The following BICC1 variants were observed in gnomAD, a reference collection of about 807,000 sequenced individuals.
BICC1 encodes the protein protein bicaudal C homolog 1.
In BICC1, 43 loss-of-function variants were observed where a neutral mutation model predicts 111.0. That is an observed-to-expected ratio of 0.39 (90% confidence interval 0.30 to 0.50). BICC1 has a LOEUF of 0.50. Ranked by LOEUF, BICC1 falls within the 20% of genes least tolerant of loss-of-function variation. The pLI, the probability that BICC1 is intolerant of heterozygous loss-of-function variation, is 0.88. For missense variants in BICC1, 1,091 were observed against 1,203.2 expected (o/e 0.91, Z 1.38); for synonymous variants, 467 against 434.4 (o/e 1.07, Z -0.93).
chr10:58,677,212 G>C (rs1249111528), intron 2 of BICC1, among the ~76,000 whole-genome samples: 1 of 152,200 alleles, frequency 6.6e-6, no homozygotes, highest in Admixed American at 6.5e-5. Flanking sequence ...TTGATGAATT[G>C]ACAGAAGTAG....
intron 1 of BICC1, among the ~76,000 whole-genome samples, chr10:58,524,964 C>A (rs1185650751): frequency 6.6e-6 from 1 of 151,838 alleles, no homozygotes; most frequent in Non-Finnish European, 1.5e-5. Flanking sequence ...TGAAAAAATG[C>A]TCATCATCAC....
chr10:58,824,240 G>C (rs1344330931), intron 20 of BICC1: 2 of 261,592 alleles, frequency 7.6e-6, no homozygotes, highest in Non-Finnish European at 1.2e-5. Flanking sequence ...CTTAGTACCT[G>C]TGTGGGCAAG....
chr10:58,688,170 A>C (rs1442465410), intron 2 of BICC1, among the ~76,000 whole-genome samples: 1 of 151,998 alleles, frequency 6.6e-6, no homozygotes, highest in Non-Finnish European at 1.5e-5. Context: ...GAGTGAAGGA[A>C]CAAAGCTTCC....
intron 3 of BICC1, among the ~76,000 whole-genome samples, chr10:58,780,258 G>A (rs140524616): frequency 2.6e-5 from 4 of 152,250 alleles, no homozygotes; most frequent in African/African-American, 9.6e-5. Context: ...CAGATTTGAA[G>A]CCATTTATAA....
chr10:58,600,444 A>G (rs1189460187), intron 1 of BICC1, among the ~76,000 whole-genome samples: 1 of 152,164 alleles, frequency 6.6e-6, no homozygotes, highest in Admixed American at 6.5e-5. Flanking sequence ...ACTGGAAGGT[A>G]AGCATTCAGG....
chr10:58,613,155 CA>C (rs1414881284), intron 1 of BICC1, among the ~76,000 whole-genome samples: 2 of 152,184 alleles, frequency 1.3e-5, no homozygotes, highest in African/African-American at 4.8e-5. Context: ...TTCAGCCAGC[CA>C]CGTTTCAGTA....
rs1844505244 is a variant in BICC1, at chr10:58,829,768, T to C, written c.*877T>C. 6.6e-6 allele frequency: 1 copy of C among 152,188 alleles called. No homozygotes were observed. The highest frequency in any genetic ancestry group is 1.5e-5 in the Non-Finnish European group (1 of 68,032). 9.4% of individuals were successfully genotyped at this position (152,188 alleles called of 1,614,324 possible). A position where few individuals can be genotyped will look rare whatever the true frequency, so the allele number is the denominator to read the frequency against. ...TGGTTGTCTGGAGGCAAAGGGCTGTTTTTTAGTATATTGCCACTAAAGGAC... is the reference window on the plus strand; with the variant it reads ...TGGTTGTCTGGAGGCAAAGGGCTGTCTTTTAGTATATTGCCACTAAAGGAC... On this transcript the variant is annotated 3_prime_UTR_variant, in exon 21 of 21. Coordinates refer to ENST00000373886, the MANE Select transcript of BICC1 (RefSeq NM_001080512.3).
At chr10:58,710,349 T>C (rs1009702973) in intron 3 of BICC1, among the ~76,000 whole-genome samples, 1 of 152,178 alleles carries the variant, frequency 6.6e-6, no homozygotes, top group Non-Finnish European at 1.5e-5. Context: ...AGTTCCATAA[T>C]GTATAATAAT....
intron 3 of BICC1, among the ~76,000 whole-genome samples, chr10:58,742,883 C>G (rs1841713794): frequency 6.6e-6 from 1 of 152,136 alleles, no homozygotes; most frequent in South Asian, 2.1e-4. Context: ...ATTCAGGTTA[C>G]TAGAGAACTA....
intron 1 of BICC1, among the ~76,000 whole-genome samples, chr10:58,579,451 T>C (rs1449846098): frequency 2.6e-5 from 4 of 152,226 alleles, no homozygotes; most frequent in Non-Finnish European, 5.9e-5. Flanking sequence ...GCATTATTCA[T>C]GGTGAACACC....
At chr10:58,547,329 AT>A (rs563701222) in intron 1 of BICC1, among the ~76,000 whole-genome samples, 246 of 152,298 alleles carry the variant, frequency 1.6e-3, no homozygotes, top group Admixed American at 5.2e-3. Flanking sequence ...TTTGAGAAGT[AT>A]TCCATAAAAC....
chr10:58,512,356 T>TA (rs1460285648), upstream of BICC1, among the ~76,000 whole-genome samples: 1 of 152,140 alleles, frequency 6.6e-6, no homozygotes, highest in Non-Finnish European at 1.5e-5. Context: ...AGCCTTCTTT[T>TA]TCCTCTTCCT....
chr10:58,672,846 G>T (rs183759638), intron 2 of BICC1, among the ~76,000 whole-genome samples: 2 of 152,196 alleles, frequency 1.3e-5, no homozygotes, highest in East Asian at 3.9e-4. Flanking sequence ...TTATATTGAG[G>T]GAATTTGAAT....
chr10:58,712,215 A>T (rs187749028), intron 3 of BICC1, among the ~76,000 whole-genome samples: 3 of 152,190 alleles, frequency 2.0e-5, no homozygotes, highest in Non-Finnish European at 4.4e-5. Context: ...GCTGGTGAGA[A>T]TGTGGAGCCA....
At chr10:58,589,408 T>C (rs1261114558) in intron 1 of BICC1, among the ~76,000 whole-genome samples, 5 of 151,986 alleles carry the variant, frequency 3.3e-5, no homozygotes, top group Non-Finnish European at 7.4e-5. Context: ...CTCAAAATTG[T>C]ACAGCTGGCA....
chr10:58,533,559 A>T (rs1649079), intron 1 of BICC1, among the ~76,000 whole-genome samples: 69,331 of 151,260 alleles, frequency 0.46, 16,881 homozygotes, highest in Admixed American at 0.62. Flanking sequence ...AGGAAAAAAA[A>T]ACCTGACAAT....
intron 9 of BICC1, 29 bp from the exon 10 acceptor site, chr10:58,796,311 C>T (rs1212460228): frequency 2.2e-5 from 36 of 1,600,770 alleles, no homozygotes; most frequent in Non-Finnish European, 3.0e-5. Flanking sequence ...TGCATGTCAC[C>T]TTTTTTCCCC....
intron 1 of BICC1, among the ~76,000 whole-genome samples, chr10:58,567,933 GAGA>G (rs1843821646): frequency 6.6e-6 from 1 of 152,058 alleles, no homozygotes; most frequent in Non-Finnish European, 1.5e-5. Context: ...GGTATATTTG[GAGA>G]AGACTGGGAG....
chr10:58,789,368 A>G lies in BICC1; in HGVS notation c.707A>G (p.Asn236Ser), dbSNP rs532086549. 3.7e-5 allele frequency: 60 copies of G among 1,613,932 alleles called. No individual in the cohort carries two copies. Among genetic ancestry groups the G allele is most frequent in the Non-Finnish European group, 4.7e-5 (56 of 1,179,970 alleles). ...PSIQHISQTY[N>S]ISVSFKQRSR... is the part of the protein sequence containing the mutation. ...ATTCAGCATATATCACAAACGTACA[A>G]TATTTCAGTATCATTTAAACAGCGT... Residue 236 changes from asparagine to serine, a missense_variant, in exon 7 of 21, where the codon AAT (asparagine) becomes AGT (serine). Physicochemically the swap from Asn to Ser is conservative, Grantham distance 46. Transcript: ENST00000373886.
Sources: allele counts gnomAD v4.1 joint callset (sites outside exome capture counted in the v4.1 genomes callset), GRCh38; gene constraint gnomAD v4.1.1; transcripts MANE v1.5; gene names NCBI Gene and HGNC (gene_info 2026-07-23, HGNC 2026-07-21).